The following ARHGAP20 variants were observed in gnomAD, a reference collection of about 807,000 sequenced individuals.
ARHGAP20 encodes Rho GTPase activating protein 20, also known as rho GTPase-activating protein 20.
Under a neutral mutation model 73.7 loss-of-function variants are expected in ARHGAP20, and 34 were observed. The observed-to-expected ratio is 0.46, with a 90% CI of 0.35 to 0.61. The LOEUF is 0.61. Among genes scored for constraint, ARHGAP20 ranks in the 20% least tolerant of loss-of-function variants. The pLI, the probability that ARHGAP20 is intolerant of heterozygous loss-of-function variation, is 0.00. For missense variants in ARHGAP20, 1,314 were observed against 1,420.9 expected, an observed-to-expected ratio of 0.92 and a Z score of 1.21; for synonymous variants, 523 against 518.2, an observed-to-expected ratio of 1.01 and a Z score of -0.13.
chr11:110,640,485 C>A (rs1244101426), intron 2 of ARHGAP20, among the ~76,000 whole-genome samples: 1 of 151,952 alleles, frequency 6.6e-6, no homozygotes, highest in Admixed American at 6.6e-5. Flanking sequence ...GCTACAAAAA[C>A]CACTCTCAAC....
At chr11:110,649,506 T>A (rs991000521) in intron 2 of ARHGAP20, among the ~76,000 whole-genome samples, 6 of 152,014 alleles carry the variant, frequency 3.9e-5, no homozygotes, top group Non-Finnish European at 7.4e-5. Flanking sequence ...AGAAAAGAAG[T>A]ATATTAATAG....
At chr11:110,656,795 G>C (rs543856070) in intron 2 of ARHGAP20, among the ~76,000 whole-genome samples, 1 of 152,134 alleles carries the variant, frequency 6.6e-6, no homozygotes, top group Non-Finnish European at 1.5e-5. Flanking sequence ...ATCAGTGGAG[G>C]CCCATGGAAA....
intron 2 of ARHGAP20, among the ~76,000 whole-genome samples, chr11:110,659,030 G>C (rs1307767913): frequency 7.3e-5 from 11 of 151,666 alleles, no homozygotes; most frequent in Admixed American, 7.2e-4. Context: ...ACGTGTGCAT[G>C]TGTCTTTATA....
Position 110,579,482 on chromosome 11 carries a change from GGCA to G in ARHGAP20, c.3461_3463del (p.Leu1154del). 6.2e-7 allele frequency: 1 copy of G among 1,614,138 alleles called. No individual in the cohort carries two copies. The highest frequency in any genetic ancestry group is 8.5e-7 in the Non-Finnish European group (1 of 1,180,022). ...AGAGCTGGCTGAGGCTCTTTCCCAA[GGCA>G]GAGAACCAGAAGAGCTCTGACTACC... On this transcript the variant is annotated inframe_deletion, in exon 15 of 15. Transcript: ENST00000683387.
intron 2 of ARHGAP20, among the ~76,000 whole-genome samples, chr11:110,680,479 G>A (rs1002539739): frequency 6.6e-6 from 1 of 152,116 alleles, no homozygotes; most frequent in Admixed American, 6.6e-5. Context: ...GTTCAATATA[G>A]TAAGGATGTC....
intron 2 of ARHGAP20, among the ~76,000 whole-genome samples, chr11:110,642,489 A>G (rs1949097871): frequency 6.6e-6 from 1 of 152,084 alleles, no homozygotes. Flanking sequence ...GAGGATTCTT[A>G]TCAGGAAGGG....
intron 2 of ARHGAP20, among the ~76,000 whole-genome samples, chr11:110,645,985 G>A (rs1949183689): frequency 6.6e-6 from 1 of 151,842 alleles, no homozygotes; most frequent in African/African-American, 2.4e-5. Flanking sequence ...GAGAGGTAGG[G>A]GGCCAAGGGC....
intron 1 of ARHGAP20, among the ~76,000 whole-genome samples, chr11:110,709,536 T>C (rs1364353620): frequency 6.6e-6 from 1 of 152,200 alleles, no homozygotes; most frequent in Non-Finnish European, 1.5e-5. Flanking sequence ...TGAGGAGCAC[T>C]TCCACTTAGG....
intron 1 of ARHGAP20, among the ~76,000 whole-genome samples, chr11:110,699,100 T>C (rs1259875305): frequency 6.6e-6 from 1 of 151,886 alleles, no homozygotes; most frequent in Non-Finnish European, 1.5e-5. Flanking sequence ...CCCTGAGGTT[T>C]TGATATGTTG....
chr11:110,681,926 T>C (rs554606818), intron 2 of ARHGAP20, among the ~76,000 whole-genome samples: 1 of 152,266 alleles, frequency 6.6e-6, no homozygotes, highest in Admixed American at 6.5e-5. Context: ...AGCCTCTTCA[T>C]CTTAAGTGAC....
intron 8 of ARHGAP20, 152 bp from the exon 9 acceptor site, chr11:110,606,901 T>G (rs1948245805): frequency 3.1e-6 from 2 of 649,262 alleles, no homozygotes; most frequent in African/African-American, 3.8e-5. Context: ...ACTCTTACAG[T>G]TGGAGACCAG....
At chr11:110,602,556 T>A (rs1338350403) in intron 9 of ARHGAP20, among the ~76,000 whole-genome samples, 2 of 152,208 alleles carry the variant, frequency 1.3e-5, no homozygotes, top group African/African-American at 4.8e-5. Context: ...GAGTGGCTCA[T>A]TTGTTAGCCA....
intron 2 of ARHGAP20, among the ~76,000 whole-genome samples, chr11:110,687,008 T>C (rs1195769412): frequency 7.1e-6 from 1 of 140,902 alleles, no homozygotes; most frequent in South Asian, 2.4e-4. Context: ...CTAGAGAAAC[T>C]TGCAGGAAAT....
intron 1 of ARHGAP20, among the ~76,000 whole-genome samples, chr11:110,693,109 A>T (rs928361706): frequency 6.6e-6 from 1 of 152,028 alleles, no homozygotes; most frequent in Non-Finnish European, 1.5e-5. Context: ...TTTCATGGAA[A>T]TCTACTGTAG....
Position 110,582,363 on chromosome 11 carries a change from T to C in ARHGAP20, c.1678A>G (p.Arg560Gly). The C allele has an allele frequency of 6.2e-7, 1 of 1,613,934 alleles. No homozygotes were observed. The highest frequency in any genetic ancestry group is 8.5e-7 in the Non-Finnish European group (1 of 1,179,776). Reference protein sequence around the residue: ...IFGEEITSLFREVSVRCDTRE... With the variant: ...IFGEEITSLFGEVSVRCDTRE... The stretch of plus-strand genomic sequence containing the variant: ...GTGTCACATCTCACTGAAACCTCTC[T>C]GAAGAGGGAAGTGATTTCTTCTCCA... The change falls in exon 14 of 15, where the codon AGA (arginine) becomes GGA (glycine). Residue 560 changes from arginine (R) to glycine (G), a missense_variant. Coordinates refer to ENST00000683387, the MANE Select transcript of ARHGAP20 (RefSeq NM_001384657.1).
intron 9 of ARHGAP20, among the ~76,000 whole-genome samples, chr11:110,601,587 C>A (rs1437413068): frequency 6.6e-6 from 1 of 152,126 alleles, no homozygotes; most frequent in Admixed American, 6.5e-5. Context: ...GGCTTGCCAC[C>A]TCCCTTTGGA....
intron 2 of ARHGAP20, among the ~76,000 whole-genome samples, chr11:110,635,187 C>T (rs1948939860): frequency 6.6e-6 from 1 of 152,092 alleles, no homozygotes; most frequent in South Asian, 2.1e-4. Flanking sequence ...ATCCTAATAG[C>T]TCTGAATTAA....
intron 5 of ARHGAP20, among the ~76,000 whole-genome samples, chr11:110,614,989 T>C (rs531088771): frequency 2.0e-5 from 3 of 152,186 alleles, no homozygotes; most frequent in Non-Finnish European, 2.9e-5. Context: ...ATAAATATTT[T>C]ACAAGGCCAA....
chr11:110,667,974 T>G (rs1482974291), intron 2 of ARHGAP20, among the ~76,000 whole-genome samples: 7 of 152,340 alleles, frequency 4.6e-5, no homozygotes, highest in Non-Finnish European at 7.4e-5. Context: ...CTTGTAAAGA[T>G]GCTGAAATGA....
Sources: allele counts gnomAD v4.1 joint callset (sites outside exome capture counted in the v4.1 genomes callset), GRCh38; gene constraint gnomAD v4.1.1; transcripts MANE v1.5; gene names NCBI Gene and HGNC (gene_info 2026-07-23, HGNC 2026-07-21).